NEGR1: variants seen among roughly 807,000 people sequenced by gnomAD.
NEGR1 encodes IgLON family member 4.
A neutral mutation model predicts 40.9 loss-of-function variants in NEGR1; 10 were observed. The ratio of observed to expected loss-of-function variants is 0.24; its 90% CI spans 0.15 to 0.42. The LOEUF (loss-of-function observed/expected upper bound fraction) is 0.42. Among genes scored for constraint, NEGR1 ranks in the 10% least tolerant of loss-of-function variants. The pLI, the probability that NEGR1 is intolerant of heterozygous loss-of-function variation, is 1.00. For synonymous variants in NEGR1, 185 were observed against 166.8 expected, an observed-to-expected ratio of 1.11 and a Z score of -0.84; for missense variants, 352 against 438.9, an observed-to-expected ratio of 0.80 and a Z score of 1.77.
intron 6 of NEGR1, among the ~76,000 whole-genome samples, chr1:71,570,227 G>A (rs1369537083): frequency 6.6e-6 from 1 of 152,150 alleles, no homozygotes; most frequent in African/African-American, 2.4e-5. Context: ...CTAATTTGTT[G>A]TATGGCTTGG....
intron 2 of NEGR1, among the ~76,000 whole-genome samples, chr1:71,872,052 A>G (rs188862302): frequency 6.6e-6 from 1 of 152,202 alleles, no homozygotes; most frequent in Non-Finnish European, 1.5e-5. Context: ...GCTAAATAAT[A>G]CAATGGAATA....
chr1:71,886,513 G>T (rs1018630404), intron 2 of NEGR1, among the ~76,000 whole-genome samples: 1 of 151,192 alleles, frequency 6.6e-6, no homozygotes, highest in African/African-American at 2.4e-5. Context: ...TTGAGGGTGA[G>T]GCAGATAAAT....
At chr1:71,750,930 T>A (rs1655551705) in intron 3 of NEGR1, among the ~76,000 whole-genome samples, 1 of 152,204 alleles carries the variant, frequency 6.6e-6, no homozygotes, top group Non-Finnish European at 1.5e-5. Context: ...ATGTTATATA[T>A]TCCATCTATA....
At chr1:72,056,970 C>T (rs115082689) in intron 1 of NEGR1, among the ~76,000 whole-genome samples, 614 of 151,638 alleles carry the variant, frequency 4.0e-3, no homozygotes, top group African/African-American at 0.014. Flanking sequence ...CCCAAACTTT[C>T]CTGCACTGAT....
chr1:71,801,453 C>T (rs895286206), intron 2 of NEGR1, among the ~76,000 whole-genome samples: 2 of 152,196 alleles, frequency 1.3e-5, no homozygotes, highest in Admixed American at 6.5e-5. Flanking sequence ...AGTATCTTCA[C>T]ATGGTTGTCT....
chr1:71,430,363 T>C (rs1646458029), intron 6 of NEGR1, among the ~76,000 whole-genome samples: 1 of 152,178 alleles, frequency 6.6e-6, no homozygotes, highest in Non-Finnish European at 1.5e-5. Context: ...CCTCTGCAAT[T>C]CTCTGCTCTT....
Position 71,861,036 on chromosome 1 carries a change from T to G in NEGR1, c.409+74043A>C, listed in dbSNP as rs562632135. ...GAAGTTACTCTCTTTTAACTACTGC[T>G]TATTTTCATCTCACCATAGGGAAAA... On this transcript the variant is annotated intron_variant, in intron 2 of 6. Transcript: ENST00000357731. Among the ~76,000 whole-genome samples, 20 of 152,216 alleles carry G rather than the reference T, an allele frequency of 1.3e-4. No homozygotes were observed. In the South Asian group the frequency reaches 3.9e-3, roughly 30 times the overall value.
At chr1:72,160,057 C>A (rs1651497353) in intron 1 of NEGR1, among the ~76,000 whole-genome samples, 1 of 152,014 alleles carries the variant, frequency 6.6e-6, no homozygotes, top group South Asian at 2.1e-4. Context: ...GGGTTTTTAG[C>A]AAATAACCAA....
chr1:71,833,446 T>C lies in NEGR1; in HGVS notation c.410-57149A>G, dbSNP rs74089011. Among the ~76,000 whole-genome samples the C allele has an allele frequency of 3.3e-3, 498 of 152,176 alleles. 1 individual carries two copies. Among genetic ancestry groups the C allele is most frequent in the African/African-American group, 0.011 (475 of 41,540 alleles). ...AAAGAAGAGAAAATTTATTTCTCCA[T>C]GGTTGGTCAAGACTAGAATTCTCTA... On this transcript the variant is annotated intron_variant, in intron 2 of 6. Transcript: ENST00000357731.
At chr1:72,049,403 G>C (rs1647036285) in intron 1 of NEGR1, among the ~76,000 whole-genome samples, 1 of 151,472 alleles carries the variant, frequency 6.6e-6, no homozygotes, top group African/African-American at 2.4e-5. Context: ...AGAATCTGAG[G>C]ATGTTTATCC....
At chr1:71,816,428 G>T (rs180955636) in intron 2 of NEGR1, among the ~76,000 whole-genome samples, 16 of 152,032 alleles carry the variant, frequency 1.1e-4, no homozygotes, top group African/African-American at 3.9e-4. Flanking sequence ...CACATGGCTA[G>T]GGAGGCCTCA....
At chr1:72,262,247 T>C (rs1318469255) in intron 1 of NEGR1, among the ~76,000 whole-genome samples, 2 of 151,982 alleles carry the variant, frequency 1.3e-5, no homozygotes, top group African/African-American at 4.8e-5. Context: ...TGGAATAATA[T>C]ATGTAGAAAT....
chr1:72,211,149 T>A (rs1247612940), intron 1 of NEGR1, among the ~76,000 whole-genome samples: 1 of 151,808 alleles, frequency 6.6e-6, no homozygotes, highest in Non-Finnish European at 1.5e-5. Flanking sequence ...ACTCCATCAA[T>A]AGGATTCTAA....
chr1:71,990,986 TTCC>T (rs1380625866), intron 1 of NEGR1, among the ~76,000 whole-genome samples: 2 of 151,920 alleles, frequency 1.3e-5, no homozygotes, highest in Non-Finnish European at 2.9e-5. Context: ...TGAACAGTCT[TTCC>T]TTGTATCAAT....
chr1:71,851,147 C>T (rs1659586789), intron 2 of NEGR1, among the ~76,000 whole-genome samples: 1 of 152,114 alleles, frequency 6.6e-6, no homozygotes, highest in Non-Finnish European at 1.5e-5. Flanking sequence ...TGGCAGGAAA[C>T]CACACAACGC....
chr1:72,257,490 A>C (rs1366592822), intron 1 of NEGR1, among the ~76,000 whole-genome samples: 3 of 152,106 alleles, frequency 2.0e-5, no homozygotes, highest in African/African-American at 7.2e-5. Flanking sequence ...TTTTTATAGA[A>C]ATATACATAC....
At chr1:71,810,105 C>T (rs545022444) in intron 2 of NEGR1, among the ~76,000 whole-genome samples, 161 of 152,172 alleles carry the variant, frequency 1.1e-3, no homozygotes, top group Middle Eastern at 3.4e-3. Context: ...TAGCAATCTT[C>T]GGTGCACAAT....
At chr1:71,809,659 C>G (rs1370573301) in intron 2 of NEGR1, among the ~76,000 whole-genome samples, 1 of 152,096 alleles carries the variant, frequency 6.6e-6, no homozygotes, top group Non-Finnish European at 1.5e-5. Context: ...TCTCTACTAA[C>G]TATTCTCTGA....
intron 1 of NEGR1, among the ~76,000 whole-genome samples, chr1:72,212,799 A>G (rs1414801185): frequency 6.6e-6 from 1 of 151,980 alleles, no homozygotes; most frequent in Non-Finnish European, 1.5e-5. Flanking sequence ...AAAGAAATAT[A>G]AAATACTGCA....
Sources: allele counts gnomAD v4.1 joint callset (sites outside exome capture counted in the v4.1 genomes callset), GRCh38; gene constraint gnomAD v4.1.1; transcripts MANE v1.5; gene names NCBI Gene and HGNC (gene_info 2026-07-23, HGNC 2026-07-21).